Variants in PDGFD observed in about 807,000 individuals in gnomAD.
PDGFD encodes the protein platelet derived growth factor D.
PDGFD carries 30 observed loss-of-function variants against 44.7 expected under a neutral mutation model. The ratio of observed to expected loss-of-function variants is 0.67; its 90% CI spans 0.50 to 0.91. The LOEUF is 0.91. Ranked by LOEUF, PDGFD falls within the 40% of genes least tolerant of loss-of-function variation. The pLI, the probability that PDGFD is intolerant of heterozygous loss-of-function variation, is 0.00. For missense variants in PDGFD, 445 were observed against 457.8 expected, an observed-to-expected ratio of 0.97 and a Z score of 0.25; for synonymous variants, 173 against 168.4, an observed-to-expected ratio of 1.03 and a Z score of -0.21.
In PDGFD at chr11:104,037,559, T is replaced by C. The variant is rs151313324; in HGVS notation, c.125-37304A>G. The C allele has an allele frequency of 4.2e-5, 68 of 1,613,936 alleles. No individual in the cohort carries two copies. The African/African-American group carries it at 8.9e-4, about 21-fold the overall frequency. The stretch of plus-strand genomic sequence containing the variant: ...TTTGGACAAGTGACGATGCTCTACA[T>C]TAACTGCAAAGTGAATGGGCATCCT... On this transcript the variant is annotated intron_variant, in intron 1 of 6. Coordinates refer to ENST00000393158, the MANE Select transcript of PDGFD (RefSeq NM_025208.5).
intron 1 of PDGFD, among the ~76,000 whole-genome samples, chr11:104,003,848 A>T (rs1859657831): frequency 6.6e-6 from 1 of 152,152 alleles, no homozygotes; most frequent in Non-Finnish European, 1.5e-5. Flanking sequence ...GTGCTGGCAG[A>T]CATGCCCTGG....
At position 104,000,330 on chromosome 11, in the gene PDGFD, A is replaced by G. The variant is rs1859601760; in HGVS notation, c.125-75T>C. On this transcript the variant is annotated intron_variant, in intron 1 of 6. Transcript: ENST00000393158. ...GAAAGTCAAAAAAAGAGAACAGTTT[A>G]CAACACATCATACTTCAAAACACTT... 10 of 1,227,692 alleles carry G rather than the reference A, an allele frequency of 8.1e-6. No homozygotes were observed. In the Admixed American group the frequency reaches 1.6e-4, roughly 20 times the overall value. The allele number at this position is 1,227,692 out of a possible 1,614,324, so 76.0% of individuals were successfully genotyped here. A position where few individuals can be genotyped will look rare whatever the true frequency, so the allele number is the denominator to read the frequency against.
chr11:104,010,068 T>A (rs967931197), intron 1 of PDGFD, among the ~76,000 whole-genome samples: 1 of 152,164 alleles, frequency 6.6e-6, no homozygotes, highest in African/African-American at 2.4e-5. Flanking sequence ...TGATTAAACA[T>A]CAGACATTTA....
intron 1 of PDGFD, among the ~76,000 whole-genome samples, chr11:104,149,662 A>G (rs910054458): frequency 6.6e-6 from 1 of 152,104 alleles, no homozygotes; most frequent in Non-Finnish European, 1.5e-5. Context: ...CACTTGATGA[A>G]TTTGTATTTT....
At chr11:103,911,563 C>T (rs1475468670) in intron 6 of PDGFD, among the ~76,000 whole-genome samples, 1 of 152,072 alleles carries the variant, frequency 6.6e-6, no homozygotes, top group African/African-American at 2.4e-5. Flanking sequence ...AACCAGAACT[C>T]CTCTTCTCAA....
At chr11:104,123,103 A>G (rs918158092) in intron 1 of PDGFD, among the ~76,000 whole-genome samples, 14 of 152,040 alleles carry the variant, frequency 9.2e-5, no homozygotes, top group African/African-American at 3.1e-4. Context: ...GGTAGTGAAA[A>G]TATAGTATCC....
chr11:104,047,166 G>A (rs1401507597), intron 1 of PDGFD, among the ~76,000 whole-genome samples: 6 of 147,522 alleles, frequency 4.1e-5, no homozygotes, highest in African/African-American at 1.2e-4. Context: ...TTGGTTCCAA[G>A]TTTTTGCCAT....
intron 1 of PDGFD, among the ~76,000 whole-genome samples, chr11:104,154,599 C>T (rs1190197570): frequency 6.6e-6 from 1 of 152,000 alleles, no homozygotes; most frequent in South Asian, 2.1e-4. Flanking sequence ...ACAACTTTTG[C>T]GTATTGTGGG....
chr11:104,094,920 A>G (rs1367985287), intron 1 of PDGFD, among the ~76,000 whole-genome samples: 1 of 152,150 alleles, frequency 6.6e-6, no homozygotes, highest in African/African-American at 2.4e-5. Flanking sequence ...AAAACTTTGC[A>G]TGATGTGACC....
At chr11:104,112,701 A>G (rs1676309263) in intron 1 of PDGFD, among the ~76,000 whole-genome samples, 1 of 152,156 alleles carries the variant, frequency 6.6e-6, no homozygotes, top group Non-Finnish European at 1.5e-5. Context: ...ATAAAAAAGA[A>G]TGAGATCATG....
At chr11:104,080,737 A>G (rs1474894522) in intron 1 of PDGFD, among the ~76,000 whole-genome samples, 1 of 152,182 alleles carries the variant, frequency 6.6e-6, no homozygotes, top group East Asian at 1.9e-4. Flanking sequence ...GTAACCTTCA[A>G]TGAATAGTGA....
intron 3 of PDGFD, among the ~76,000 whole-genome samples, chr11:103,956,510 C>T (rs1350989755): frequency 2.4e-5 from 3 of 123,600 alleles, no homozygotes; most frequent in African/African-American, 1.1e-4. Context: ...TGAATAGTAC[C>T]ACAATAAACA....
chr11:104,148,259 G>A (rs1026927743), intron 1 of PDGFD, among the ~76,000 whole-genome samples: 12 of 152,070 alleles, frequency 7.9e-5, no homozygotes, highest in African/African-American at 2.7e-4. Flanking sequence ...TGACTCAGTC[G>A]ATTTCAACAC....
At chr11:104,021,806 T>C (rs1859958555) in intron 1 of PDGFD, among the ~76,000 whole-genome samples, 1 of 152,138 alleles carries the variant, frequency 6.6e-6, no homozygotes, top group Non-Finnish European at 1.5e-5. Flanking sequence ...AACAGCACCT[T>C]CCAAAGCTTG....
chr11:103,928,115 G>A (rs1369134336), intron 5 of PDGFD, among the ~76,000 whole-genome samples: 1 of 152,210 alleles, frequency 6.6e-6, no homozygotes, highest in African/African-American at 2.4e-5. Context: ...TCAAAGCTAA[G>A]TCATAAATAT....
intron 1 of PDGFD, among the ~76,000 whole-genome samples, chr11:104,060,545 T>C (rs1425219384): frequency 6.6e-6 from 1 of 152,212 alleles, no homozygotes; most frequent in Non-Finnish European, 1.5e-5. Context: ...TAGTGCCCAT[T>C]GTTAAATTCT....
At chr11:104,000,499 A>G (rs1444722543) in intron 1 of PDGFD, among the ~76,000 whole-genome samples, 1 of 152,222 alleles carries the variant, frequency 6.6e-6, no homozygotes, top group African/African-American at 2.4e-5. Context: ...GTGAAAAACA[A>G]AAGAAAAGAC....
chr11:103,956,521 T>C (rs1296015474), intron 3 of PDGFD, among the ~76,000 whole-genome samples: 2 of 144,504 alleles, frequency 1.4e-5, no homozygotes, highest in African/African-American at 5.4e-5. Flanking sequence ...ACAATAAACA[T>C]ACGTGTGCAT....
intron 1 of PDGFD, among the ~76,000 whole-genome samples, chr11:104,162,745 T>C (rs928576086): frequency 7.9e-5 from 12 of 152,110 alleles, no homozygotes; most frequent in African/African-American, 2.9e-4. Flanking sequence ...AGATGGCTAA[T>C]AGGAATTTAC....
Sources: allele counts gnomAD v4.1 joint callset (sites outside exome capture counted in the v4.1 genomes callset), GRCh38; gene constraint gnomAD v4.1.1; transcripts MANE v1.5; gene names NCBI Gene and HGNC (gene_info 2026-07-23, HGNC 2026-07-21).